OR52N4: variants seen among roughly 807,000 people sequenced by gnomAD.
The protein encoded by OR52N4 is olfactory receptor family 52 subfamily N member 4, also known as olfactory receptor 52N4.
In OR52N4, 15 loss-of-function variants were observed where a neutral mutation model predicts 15.0. That is an observed-to-expected ratio of 1.00 (90% CI 0.67 to 1.54). The LOEUF (loss-of-function observed/expected upper bound fraction) is 1.54, where lower values mean the gene tolerates loss of function less well. Among genes scored for constraint, OR52N4 ranks in the 40% most tolerant of loss-of-function variants. The pLI is 0.00. For missense variants in OR52N4, 421 were observed against 394.0 expected, an observed-to-expected ratio of 1.07 and a Z score of -0.58; for synonymous variants, 143 against 143.7, an observed-to-expected ratio of 1.00 and a Z score of 0.03.
the OR52N4 span, among the ~76,000 whole-genome samples, chr11:5,732,063 G>A: frequency 4.6e-5 from 7 of 151,636 alleles, no homozygotes; most frequent in Admixed American, 1.3e-4. Context: ...TTATTCTTTC[G>A]CAATTTTGAA....
upstream of OR52N4, among the ~76,000 whole-genome samples, chr11:5,753,305 T>G (rs114287197): frequency 2.5e-3 from 382 of 152,268 alleles, 4 homozygotes; most frequent in African/African-American, 8.5e-3. Context: ...TCATTTTAGC[T>G]GTCCTGTTTG....
At chr11:5,734,371 G>A in the OR52N4 span, 5 of 330,696 alleles carry the variant, frequency 1.5e-5, no homozygotes, top group South Asian at 1.2e-4. Flanking sequence ...GCATATAGAG[G>A]ATTAGAGGGC....
At chr11:5,748,796 T>G in the OR52N4 span, among the ~76,000 whole-genome samples, 1 of 152,040 alleles carries the variant, frequency 6.6e-6, no homozygotes, top group Admixed American at 6.6e-5. Context: ...AACATTAATC[T>G]GCAGTAAGTA....
chr11:5,732,056 T>C, the OR52N4 span, among the ~76,000 whole-genome samples: 1 of 152,152 alleles, frequency 6.6e-6, no homozygotes, highest in African/African-American at 2.4e-5. Context: ...TTTACATTTA[T>C]TCTTTCGCAA....
At chr11:5,753,868 C>T (rs1330074368), upstream of OR52N4, among the ~76,000 whole-genome samples, 2 of 148,950 alleles carry the variant, frequency 1.3e-5, no homozygotes, top group South Asian at 2.2e-4. Context: ...TGGCATGTGC[C>T]TGTAGTCGCA....
At chr11:5,736,790 G>A in the OR52N4 span, 1 of 1,613,970 alleles carries the variant, frequency 6.2e-7, no homozygotes. Context: ...TAAGATCCTG[G>A]CCATCTTCTG....
the OR52N4 span, among the ~76,000 whole-genome samples, chr11:5,727,872 C>T: frequency 2.6e-5 from 4 of 152,278 alleles, no homozygotes; most frequent in African/African-American, 7.2e-5. Context: ...GAAGATAGGA[C>T]AATATAGCCA....
upstream of OR52N4, among the ~76,000 whole-genome samples, chr11:5,752,866 C>T (rs1426974666): frequency 2.6e-5 from 4 of 151,884 alleles, no homozygotes; most frequent in South Asian, 2.1e-4. Context: ...TAATTTGATC[C>T]GTTTTTGTAT....
chr11:5,743,765 C>T, the OR52N4 span, among the ~76,000 whole-genome samples: 3 of 152,006 alleles, frequency 2.0e-5, no homozygotes, highest in Non-Finnish European at 2.9e-5. Flanking sequence ...CATTAAATGC[C>T]GACATTAAAA....
upstream of OR52N4, among the ~76,000 whole-genome samples, chr11:5,752,775 A>C (rs1854216299): frequency 6.6e-6 from 1 of 152,120 alleles, no homozygotes; most frequent in Non-Finnish European, 1.5e-5. Context: ...AACTAACAGG[A>C]CCCTTCTACC....
the OR52N4 span, chr11:5,737,370 A>G: frequency 6.2e-7 from 1 of 1,613,966 alleles, no homozygotes. Flanking sequence ...GTTCTACTTA[A>G]TGTGTTGCAC....
At chr11:5,747,299 T>C in the OR52N4 span, among the ~76,000 whole-genome samples, 35 of 151,870 alleles carry the variant, frequency 2.3e-4, no homozygotes, top group East Asian at 1.9e-4. Context: ...ACAGACCTCC[T>C]ATCTAAAAAA....
the OR52N4 span, among the ~76,000 whole-genome samples, chr11:5,733,272 C>T: frequency 6.6e-6 from 1 of 152,174 alleles, no homozygotes; most frequent in African/African-American, 2.4e-5. Context: ...TGTTCCACCA[C>T]ACCTTGAGGT....
the OR52N4 span, chr11:5,727,460 A>C: frequency 6.6e-6 from 1 of 152,086 alleles, no homozygotes; most frequent in African/African-American, 2.4e-5. Context: ...AAGGCATCTG[A>C]GTGACCCTGG....
At chr11:5,737,351 T>C in the OR52N4 span, 1 of 1,614,124 alleles carries the variant, frequency 6.2e-7, no homozygotes, top group South Asian at 1.1e-5. Flanking sequence ...GAAGGCTACT[T>C]TGATTCCAGT....
At chr11:5,736,757 G>GATTACCAGACCCA in the OR52N4 span, 8 of 1,613,862 alleles carry the variant, frequency 5.0e-6, no homozygotes, top group South Asian at 6.6e-5. Flanking sequence ...GGTAGACATG[G>GATTACCAGACCCA]GTCTGGCCAC....
At chr11:5,749,974 T>C (rs547429491), upstream of OR52N4, among the ~76,000 whole-genome samples, 15 of 152,120 alleles carry the variant, frequency 9.9e-5, no homozygotes, top group South Asian at 2.1e-3. Context: ...TTATTAATAA[T>C]ACTTAGATAG....
At chr11:5,751,500 G>A (rs1396826655), upstream of OR52N4, among the ~76,000 whole-genome samples, 1 of 151,602 alleles carries the variant, frequency 6.6e-6, no homozygotes, top group African/African-American at 2.4e-5. Context: ...AGTAATATTA[G>A]GTTGGTGCAA....
At chr11:5,734,093 T>C in the OR52N4 span, 1 of 450,208 alleles carries the variant, frequency 2.2e-6, no homozygotes, top group Non-Finnish European at 4.5e-6. Flanking sequence ...TTCAGAAGTT[T>C]ATAATTTCTG....
Sources: gnomAD v4.1 joint callset for allele counts (sites outside exome capture counted in the v4.1 genomes callset) on GRCh38, gnomAD v4.1.1 for gene constraint, MANE v1.5 for transcripts, NCBI Gene and HGNC (gene_info 2026-07-23, HGNC 2026-07-21) for gene names.